The following C3orf20 variants were observed in gnomAD, a reference collection of about 807,000 sequenced individuals.
C3orf20 encodes the protein uncharacterized protein C3orf20.
C3orf20 carries 76 observed loss-of-function variants against 88.3 expected under a neutral mutation model. That is an observed-to-expected ratio of 0.86 (90% CI 0.72 to 1.04). C3orf20 has a LOEUF of 1.04. Ranked by LOEUF, C3orf20 falls within the 50% of genes least tolerant of loss-of-function variation. C3orf20 has a pLI of 0.00. For missense variants in C3orf20, 1,056 were observed against 1,123.3 expected, an observed-to-expected ratio of 0.94 and a Z score of 0.86; for synonymous variants, 436 against 437.4, an observed-to-expected ratio of 1.00 and a Z score of 0.04.
In C3orf20 at chr3:14,713,660, C is replaced by T. The variant is rs150865248; in HGVS notation, c.1161-347C>T. ...ACTTTGGATTCCTCATCTAGGGTGA[C>T]CAACTCATCCTGGTTTGCCTGGGAC... On this transcript the variant is annotated intron_variant, in intron 7 of 16. Transcript: ENST00000253697. Among the ~76,000 whole-genome samples, 53 of 152,266 alleles carry T rather than the reference C, an allele frequency of 3.5e-4. 1 individual carries two copies. Among genetic ancestry groups the T allele is most frequent in the South Asian group, 3.3e-3 (16 of 4,824 alleles).
rs1335440087 is a variant in C3orf20 at position 14,768,556 on chromosome 3, G to A, written c.2496-3511G>A. ...GTTGGGCTTTAGACTCATGAACCTG[G>A]CAGGGACTGGGTTGGGGCTAAGCAG... On this transcript the variant is annotated intron_variant, in intron 15 of 16. Transcript: ENST00000253697. This position sits in a 1 kb window ranked among gnomAD's most constrained non-coding sequence, Gnocchi z 4.1. Among the ~76,000 whole-genome samples, 1 of 152,038 alleles carries A rather than the reference G, an allele frequency of 6.6e-6. No individual in the cohort carries two copies. Among genetic ancestry groups the A allele is most frequent in the Non-Finnish European group, 1.5e-5 (1 of 68,044 alleles).
chr3:14,726,185 G>A (rs1175420267), intron 10 of C3orf20, among the ~76,000 whole-genome samples: 1 of 152,272 alleles, frequency 6.6e-6, no homozygotes, highest in East Asian at 1.9e-4. Context: ...GGCAGAGGGA[G>A]AGGGCAGCCA....
chr3:14,715,524 G>A (rs1414704130), intron 9 of C3orf20, 115 bp downstream of exon 9: 1 of 1,345,754 alleles, frequency 7.4e-7, no homozygotes, highest in African/African-American at 1.5e-5. Flanking sequence ...CGTAAGACAG[G>A]AAGCCTGCCC....
chr3:14,713,056 C>CT (rs1179898701), intron 7 of C3orf20, among the ~76,000 whole-genome samples: 4 of 152,088 alleles, frequency 2.6e-5, no homozygotes, highest in African/African-American at 7.2e-5. Context: ...AGATTAATCT[C>CT]TTTTTTCTTG....
chr3:14,714,561 C>T (rs2124960483), intron 8 of C3orf20, among the ~76,000 whole-genome samples: 1 of 152,234 alleles, frequency 6.6e-6, no homozygotes, highest in East Asian at 1.9e-4. Flanking sequence ...TTCTTGCCAT[C>T]CAAAGGTTGA....
At chr3:14,716,309 A>C (rs535506745) in intron 9 of C3orf20, among the ~76,000 whole-genome samples, 1 of 152,220 alleles carries the variant, frequency 6.6e-6, no homozygotes, top group Non-Finnish European at 1.5e-5. Flanking sequence ...AGATTCAAGA[A>C]CTGTGAGAGA....
intron 12 of C3orf20, among the ~76,000 whole-genome samples, chr3:14,734,945 T>C (rs1038302744): frequency 6.6e-6 from 1 of 152,038 alleles, no homozygotes; most frequent in Non-Finnish European, 1.5e-5. Context: ...ACTCTCTTTA[T>C]CTCTAGAGAT....
At chr3:14,707,445 T>TTGTGTGTGTGTGTG (rs36047273) in intron 7 of C3orf20, among the ~76,000 whole-genome samples, 43 of 136,450 alleles carry the variant, frequency 3.2e-4, no homozygotes, top group African/African-American at 1.2e-3. Flanking sequence ...GCATCTTTTC[T>TTGTGTGTGTGTGTG]TGTGTGTGTG....
chr3:14,723,014 C>A (rs993115890), intron 10 of C3orf20, among the ~76,000 whole-genome samples: 1 of 152,238 alleles, frequency 6.6e-6, no homozygotes, highest in East Asian at 1.9e-4. Flanking sequence ...AGGGAAGGCT[C>A]CTAGAAGCAA....
chr3:14,756,049 A>G (rs899707272), intron 12 of C3orf20, among the ~76,000 whole-genome samples: 2 of 147,460 alleles, frequency 1.4e-5, no homozygotes, highest in East Asian at 4.0e-4. Flanking sequence ...AAAAAAAAAG[A>G]AAAAGAAAAA....
At chr3:14,720,220 C>T (rs142966433) in intron 9 of C3orf20, among the ~76,000 whole-genome samples, 8,229 of 152,036 alleles carry the variant, frequency 0.054, 316 homozygotes, top group Non-Finnish European at 0.09. Flanking sequence ...TTAGTAGAGA[C>T]GGGGTTTCAC....
intron 15 of C3orf20, among the ~76,000 whole-genome samples, chr3:14,770,436 G>A (rs1191556051): frequency 1.3e-5 from 2 of 152,162 alleles, no homozygotes; most frequent in Non-Finnish European, 2.9e-5. Flanking sequence ...CTGGCCTTAA[G>A]CAAGTCACCT....
chr3:14,744,947 G>C (rs1168900410), intron 12 of C3orf20, among the ~76,000 whole-genome samples: 1 of 152,166 alleles, frequency 6.6e-6, no homozygotes, highest in East Asian at 1.9e-4. Context: ...TTCTTCCTGT[G>C]TACTCTCCAT....
chr3:14,730,113 T>G (rs964247117), intron 12 of C3orf20, among the ~76,000 whole-genome samples: 1 of 152,250 alleles, frequency 6.6e-6, no homozygotes, highest in Non-Finnish European at 1.5e-5. Context: ...TAGTTTTTAT[T>G]GTTTTCTAAA....
chr3:14,762,343 G>A (rs551030806), intron 15 of C3orf20, among the ~76,000 whole-genome samples: 45 of 152,346 alleles, frequency 3.0e-4, no homozygotes, highest in African/African-American at 9.9e-4. Flanking sequence ...GCTCTCGTGA[G>A]ATGATCTTCT....
chr3:14,772,266 G>T lies in C3orf20; in HGVS notation c.2630+65G>T. 6.2e-7 allele frequency: 1 copy of T among 1,607,702 alleles called. No individual in the cohort carries two copies. On this transcript the variant is annotated intron_variant, in intron 16 of 16. Transcript: ENST00000253697. This position sits in a 1 kb window ranked among gnomAD's most constrained non-coding sequence, Gnocchi z 4.2. ...CAGCAGGCCACCTCGGGGCTATTTGGCCTTGGGCAAGTCACTACCCCCAGG... is the reference window on the plus strand; with the variant it reads ...CAGCAGGCCACCTCGGGGCTATTTGTCCTTGGGCAAGTCACTACCCCCAGG...
intron 15 of C3orf20, among the ~76,000 whole-genome samples, chr3:14,766,355 A>C (rs1279759251): frequency 6.6e-6 from 1 of 152,190 alleles, no homozygotes; most frequent in African/African-American, 2.4e-5. Context: ...GAAAGCTTCC[A>C]GGCCCCCAGA....
intron 12 of C3orf20, among the ~76,000 whole-genome samples, chr3:14,755,447 A>C (rs901353374): frequency 1.3e-5 from 2 of 152,082 alleles, no homozygotes; most frequent in Non-Finnish European, 2.9e-5. Context: ...TAAACCTTTG[A>C]TTATTTTGAA....
In C3orf20 at chr3:14,703,205, AG is replaced by A. The variant is rs2033349471; in HGVS notation, c.822del (p.Glu274AspfsTer20). On this transcript the variant is annotated frameshift_variant, in exon 6 of 17. Transcript: ENST00000253697. LOFTEE classifies it high-confidence loss of function. ...GTGGGAACCCCTGCCAACAGCCTGG[AG>A]TTCAGCGACCCCTGCCCTGAGGCCC... ...RGVGTPANSL[E>X]FSDPCPEARE... 4 of 1,614,158 alleles carry A rather than the reference AG, an allele frequency of 2.5e-6. No homozygotes were observed. Among genetic ancestry groups the A allele is most frequent in the Middle Eastern group, 1.6e-4 (1 of 6,062 alleles).
Sources: allele counts gnomAD v4.1 joint callset (sites outside exome capture counted in the v4.1 genomes callset), GRCh38; gene constraint gnomAD v4.1.1; non-coding constraint Gnocchi (gnomAD v3.1); transcripts MANE v1.5; gene names NCBI Gene and HGNC (gene_info 2026-07-23, HGNC 2026-07-21).